The following ST8SIA1 variants were observed in gnomAD, a reference collection of about 807,000 sequenced individuals.
ST8SIA1 encodes alpha-N-acetylneuraminide alpha-2,8-sialyltransferase.
In ST8SIA1, 16 loss-of-function variants were observed where a neutral mutation model predicts 35.9. The observed-to-expected ratio is 0.45, with a 90% CI of 0.30 to 0.68. The LOEUF (loss-of-function observed/expected upper bound fraction) is 0.68, where lower values mean the gene tolerates loss of function less well. Among genes scored for constraint, ST8SIA1 ranks in the 30% least tolerant of loss-of-function variants. The pLI is 0.09. For synonymous variants in ST8SIA1, 170 were observed against 169.6 expected (o/e 1.00, Z -0.02); for missense variants, 383 against 453.6 (o/e 0.84, Z 1.41).
intron 1 of ST8SIA1, among the ~76,000 whole-genome samples, chr12:22,320,390 G>C (rs1866571122): frequency 6.6e-6 from 1 of 152,126 alleles, no homozygotes; most frequent in Non-Finnish European, 1.5e-5. Context: ...ACCAGTCCTG[G>C]CACCACCCAG....
intron 1 of ST8SIA1, chr12:22,325,718 A>T: frequency 1.6e-6 from 1 of 617,938 alleles, no homozygotes; most frequent in Admixed American, 2.8e-5. Context: ...GCCTATGATA[A>T]AATTTGATTT....
chr12:22,288,611 A>C (rs971194939), intron 1 of ST8SIA1, among the ~76,000 whole-genome samples: 3 of 152,020 alleles, frequency 2.0e-5, no homozygotes, highest in African/African-American at 7.2e-5. Context: ...CTCCCCTTGC[A>C]CTCTCTGAGA....
intron 1 of ST8SIA1, among the ~76,000 whole-genome samples, chr12:22,305,430 G>C (rs1308740105): frequency 6.7e-6 from 1 of 149,506 alleles, no homozygotes; most frequent in Non-Finnish European, 1.5e-5. Context: ...TCCCAGGCTG[G>C]AGTGCAATGG....
In ST8SIA1 at chr12:22,198,970, G is replaced by A. The variant is rs1403344363; in HGVS notation, c.*2582C>T. 6.6e-6 allele frequency: 1 copy of A among 152,126 alleles called. No individual in the cohort carries two copies. Among genetic ancestry groups the A allele is most frequent in the Non-Finnish European group, 1.5e-5 (1 of 68,032 alleles). 9.4% of individuals were successfully genotyped at this position (152,126 alleles called of 1,614,324 possible). On this transcript the variant is annotated 3_prime_UTR_variant, in exon 5 of 5. Transcript: ENST00000396037. ...CAGAGAGGGATAATGAATCACCCCAGCTGAGAAGAGCTGGTCTAATCAAAC... is the reference window on the plus strand; with the variant it reads ...CAGAGAGGGATAATGAATCACCCCAACTGAGAAGAGCTGGTCTAATCAAAC...
intron 4 of ST8SIA1, chr12:22,223,794 G>T (rs1332390132): frequency 8.0e-7 from 1 of 1,250,142 alleles, no homozygotes; most frequent in South Asian, 1.3e-5. Flanking sequence ...ACCCATTTAT[G>T]CTTAGGCTAG....
At chr12:22,263,510 A>T (rs1253944710) in intron 2 of ST8SIA1, among the ~76,000 whole-genome samples, 1 of 152,236 alleles carries the variant, frequency 6.6e-6, no homozygotes, top group African/African-American at 2.4e-5. Context: ...AGGCTATCAT[A>T]ACTAAGTTTT....
chr12:22,333,722 A>G, intron 1 of ST8SIA1: 1 of 613,330 alleles, frequency 1.6e-6, no homozygotes, highest in Non-Finnish European at 2.9e-6. Flanking sequence ...TTATCCGTAA[A>G]TTGTTAAATA....
intron 2 of ST8SIA1, among the ~76,000 whole-genome samples, chr12:22,284,119 A>G (rs1448022028): frequency 1.3e-5 from 2 of 152,172 alleles, no homozygotes; most frequent in East Asian, 3.9e-4. Flanking sequence ...ACCTGTTGCC[A>G]TTCCCTAATG....
intron 2 of ST8SIA1, among the ~76,000 whole-genome samples, chr12:22,272,225 T>C (rs1334127136): frequency 1.3e-5 from 2 of 152,240 alleles, no homozygotes; most frequent in Non-Finnish European, 2.9e-5. Flanking sequence ...CTTTCAAATA[T>C]TGCAGAGAGC....
At chr12:22,276,647 AG>A (rs1403210489) in intron 2 of ST8SIA1, among the ~76,000 whole-genome samples, 1 of 152,082 alleles carries the variant, frequency 6.6e-6, no homozygotes, top group African/African-American at 2.4e-5. Context: ...GACAAGCAGG[AG>A]TGAAGTGGAG....
At chr12:22,333,901 G>A (rs370608427) in intron 1 of ST8SIA1, 96 bp downstream of exon 1, 281 of 1,059,868 alleles carry the variant, frequency 2.7e-4, no homozygotes, top group Middle Eastern at 4.0e-4. Flanking sequence ...GGATGCCTCT[G>A]CGAGACGGTG....
chr12:22,236,540 G>A (rs2268861), intron 4 of ST8SIA1, among the ~76,000 whole-genome samples: 50,903 of 152,018 alleles, frequency 0.33, 9,318 homozygotes, highest in East Asian at 0.54. Flanking sequence ...ATGGGAGAAA[G>A]CTGGTACAAA....
At chr12:22,288,605 C>A (rs1466732189) in intron 1 of ST8SIA1, among the ~76,000 whole-genome samples, 1 of 152,138 alleles carries the variant, frequency 6.6e-6, no homozygotes, top group Non-Finnish European at 1.5e-5. Flanking sequence ...CTGTGCCTCC[C>A]CTTGCACTCT....
At chr12:22,259,670 G>A (rs1457187016) in intron 2 of ST8SIA1, among the ~76,000 whole-genome samples, 2 of 152,056 alleles carry the variant, frequency 1.3e-5, no homozygotes, top group Non-Finnish European at 2.9e-5. Context: ...GTTTCACCAT[G>A]TTAGCCAGGA....
At chr12:22,243,058 T>C (rs1191745091) in intron 4 of ST8SIA1, among the ~76,000 whole-genome samples, 10 of 152,204 alleles carry the variant, frequency 6.6e-5, no homozygotes, top group Non-Finnish European at 4.4e-5. Context: ...GTAATAAGTA[T>C]TGCCTTCTCT....
In ST8SIA1 at chr12:22,255,307, T is replaced by C. The variant is rs758151421; in HGVS notation, c.464A>G (p.Gln155Arg). 3 of 1,614,222 alleles carry C rather than the reference T, an allele frequency of 1.9e-6. No homozygotes were observed. Among genetic ancestry groups the C allele is most frequent in the Non-Finnish European group, 1.7e-6 (2 of 1,180,020 alleles). The change falls in exon 3 of 5, where the codon CAA becomes CGA. Residue 155 changes from glutamine (Q) to arginine (R), a missense_variant. Gln to Arg is a conservative substitution (Grantham distance 43). Coordinates refer to ENST00000396037, the MANE Select transcript of ST8SIA1 (RefSeq NM_003034.4). ...GILKKSGCGR[Q>R]IDEANFVMRC... ...CATGACAAAATTTGCTTCATCTATT[T>C]GACGGCCACAGCCACTCTTCTTCAG...
chr12:22,239,786 G>A (rs960875538), intron 4 of ST8SIA1, among the ~76,000 whole-genome samples: 1 of 152,132 alleles, frequency 6.6e-6, no homozygotes, highest in Non-Finnish European at 1.5e-5. Flanking sequence ...AGAAATTTGT[G>A]TGCTTCTGTT....
intron 1 of ST8SIA1, among the ~76,000 whole-genome samples, chr12:22,320,999 GAAAGAAGAAAGAAAGA>G (rs1866588599): frequency 2.1e-5 from 2 of 93,600 alleles, no homozygotes; most frequent in Non-Finnish European, 4.4e-5. Context: ...AAGAAAGAAA[GAAAGAAGAAAGAAAGA>G]AAGAAAGAAA....
intron 3 of ST8SIA1, 53 bp downstream of exon 3, chr12:22,255,227 G>T: frequency 7.1e-7 from 1 of 1,417,328 alleles, no homozygotes; most frequent in Non-Finnish European, 1.0e-6. Flanking sequence ...CTTATGGGAG[G>T]GGTGGGGAAA....
Sources: allele counts gnomAD v4.1 joint callset (sites outside exome capture counted in the v4.1 genomes callset), GRCh38; gene constraint gnomAD v4.1.1; transcripts MANE v1.5; gene names NCBI Gene and HGNC (gene_info 2026-07-23, HGNC 2026-07-21).